The following NTNG1 variants were observed in gnomAD, a reference collection of about 807,000 sequenced individuals.
NTNG1 encodes netrin G1.
In NTNG1, 16 loss-of-function variants were observed where a neutral mutation model predicts 54.0. The observed-to-expected ratio is 0.30, with a 90% CI of 0.20 to 0.45. The LOEUF is 0.45. Among genes scored for constraint, NTNG1 ranks in the 20% least tolerant of loss-of-function variants. The pLI is 1.00. For missense variants in NTNG1, 530 were observed against 678.7 expected, an observed-to-expected ratio of 0.78 and a Z score of 2.43; for synonymous variants, 255 against 263.1, an observed-to-expected ratio of 0.97 and a Z score of 0.30.
chr1:107,418,626 G>A (rs750377313), intron 5 of NTNG1: 16 of 1,601,448 alleles, frequency 1.0e-5, no homozygotes, highest in Non-Finnish European at 1.4e-5. Flanking sequence ...CTTCCCTTGA[G>A]GTTTCTAACC....
chr1:107,372,914 G>T (rs1671012295), intron 3 of NTNG1, among the ~76,000 whole-genome samples: 1 of 152,066 alleles, frequency 6.6e-6, no homozygotes, highest in African/African-American at 2.4e-5. Flanking sequence ...AATAGTCTTT[G>T]CTCTGAACCC....
chr1:107,431,408 C>A (rs561367615), intron 6 of NTNG1, among the ~76,000 whole-genome samples: 1 of 152,222 alleles, frequency 6.6e-6, no homozygotes, highest in South Asian at 2.1e-4. Flanking sequence ...TGACTAGCAA[C>A]TGGAAATGTA....
chr1:107,361,636 C>G (rs960066057), intron 3 of NTNG1, among the ~76,000 whole-genome samples: 3 of 151,780 alleles, frequency 2.0e-5, no homozygotes, highest in Non-Finnish European at 2.9e-5. Flanking sequence ...GATCCACCCG[C>G]CTCGGCCTCC....
At chr1:107,454,427 A>G (rs1182073342) in intron 7 of NTNG1, among the ~76,000 whole-genome samples, 2 of 152,174 alleles carry the variant, frequency 1.3e-5, no homozygotes, top group Non-Finnish European at 2.9e-5. Flanking sequence ...TAAAGTAGAC[A>G]CTGCTGAGAC....
chr1:107,391,585 T>C (rs564854862), intron 3 of NTNG1, among the ~76,000 whole-genome samples: 5 of 152,244 alleles, frequency 3.3e-5, no homozygotes, highest in African/African-American at 1.2e-4. Context: ...GTAAGCTGTG[T>C]ACAAGAAGCG....
intron 3 of NTNG1, among the ~76,000 whole-genome samples, chr1:107,375,380 C>T (rs538237601): frequency 1.3e-4 from 20 of 152,270 alleles, no homozygotes; most frequent in Non-Finnish European, 2.6e-4. Flanking sequence ...GTCTTAAAAA[C>T]GTTTCGTATA....
intron 5 of NTNG1, among the ~76,000 whole-genome samples, chr1:107,426,420 T>G (rs2101287910): frequency 6.6e-6 from 1 of 152,210 alleles, no homozygotes; most frequent in Non-Finnish European, 1.5e-5. Flanking sequence ...GTTTATTGAA[T>G]AGGGTGCTTT....
At chr1:107,462,684 T>C (rs1372906937) in intron 7 of NTNG1, among the ~76,000 whole-genome samples, 1 of 152,228 alleles carries the variant, frequency 6.6e-6, no homozygotes, top group East Asian at 1.9e-4. Context: ...ATATCTCTTC[T>C]AAGGAGAAAA....
chr1:107,183,608 A>G (rs1156803149), intron 2 of NTNG1, among the ~76,000 whole-genome samples: 1 of 152,126 alleles, frequency 6.6e-6, no homozygotes, highest in Admixed American at 6.6e-5. Context: ...CTTGGAGGAC[A>G]TCGAGCTTTT....
At chr1:107,330,866 TA>T (rs1293458013) in intron 3 of NTNG1, 1 of 152,082 alleles carries the variant, frequency 6.6e-6, no homozygotes, top group African/African-American at 2.4e-5. Flanking sequence ...GGAATACTAC[TA>T]TGTAAAAGGT....
intron 2 of NTNG1, among the ~76,000 whole-genome samples, chr1:107,265,870 A>G (rs2101670018): frequency 6.6e-6 from 1 of 152,324 alleles, no homozygotes; most frequent in East Asian, 1.9e-4. Flanking sequence ...TCCTACCAGG[A>G]GGTGAGTCTC....
At chr1:107,371,397 G>A (rs1034320690) in intron 3 of NTNG1, among the ~76,000 whole-genome samples, 3 of 151,886 alleles carry the variant, frequency 2.0e-5, no homozygotes, top group African/African-American at 7.2e-5. Flanking sequence ...TTACATCTAT[G>A]TTTATAAGGG....
At chr1:107,260,055 C>T (rs1044737263) in intron 2 of NTNG1, among the ~76,000 whole-genome samples, 6 of 152,114 alleles carry the variant, frequency 3.9e-5, no homozygotes, top group Non-Finnish European at 8.8e-5. Context: ...TAAAATATGA[C>T]TCTGGAATGC....
In NTNG1 at chr1:107,272,429, A is replaced by G. The variant is rs569184132; in HGVS notation, c.247-51853A>G. On this transcript the variant is annotated intron_variant, in intron 2 of 7. Transcript: ENST00000370068. ...TCTCTGCTGGGCTAATCTAAGCATC[A>G]GAATCCTTGGTGGTTAATAAATGAG... Among the ~76,000 whole-genome samples, 5 of 152,294 alleles carry G rather than the reference A, an allele frequency of 3.3e-5. No homozygotes were observed. In the South Asian group the frequency reaches 1.0e-3, roughly 32 times the overall value.
At chr1:107,418,368 A>T (rs1373847030) in intron 5 of NTNG1, among the ~76,000 whole-genome samples, 2 of 151,988 alleles carry the variant, frequency 1.3e-5, no homozygotes, top group African/African-American at 2.4e-5. Context: ...TTTGGTAGGG[A>T]AGTAGCTATA....
At chr1:107,265,000 C>T (rs552341917) in intron 2 of NTNG1, among the ~76,000 whole-genome samples, 13 of 152,300 alleles carry the variant, frequency 8.5e-5, no homozygotes, top group African/African-American at 2.6e-4. Flanking sequence ...CTTTGTTCAC[C>T]TCCCCCCGTC....
chr1:107,316,255 T>G (rs1438233529), intron 2 of NTNG1, among the ~76,000 whole-genome samples: 1 of 152,182 alleles, frequency 6.6e-6, no homozygotes, highest in African/African-American at 2.4e-5. Context: ...ATCTTCTACC[T>G]AGAAGTGCTG....
At chr1:107,286,464 T>G (rs980566703) in intron 2 of NTNG1, among the ~76,000 whole-genome samples, 5 of 152,146 alleles carry the variant, frequency 3.3e-5, no homozygotes, top group African/African-American at 9.7e-5. Flanking sequence ...GACAGGATCT[T>G]GTAGAGAGTA....
At chr1:107,385,934 A>G (rs908206894) in intron 3 of NTNG1, among the ~76,000 whole-genome samples, 3 of 151,180 alleles carry the variant, frequency 2.0e-5, no homozygotes, top group South Asian at 2.1e-4. Context: ...TTATCACTCA[A>G]AAAGCCCCTA....
Sources: allele counts gnomAD v4.1 joint callset (sites outside exome capture counted in the v4.1 genomes callset), GRCh38; gene constraint gnomAD v4.1.1; transcripts MANE v1.5; gene names NCBI Gene and HGNC (gene_info 2026-07-23, HGNC 2026-07-21).